Variants in CSMD1 observed in about 807,000 individuals in gnomAD.
The protein encoded by CSMD1 is CUB and Sushi multiple domains 1, also known as CUB and sushi domain-containing protein 1.
CSMD1 carries 213 observed loss-of-function variants against 417.5 expected under a neutral mutation model. The observed-to-expected ratio is 0.51, with a 90% confidence interval of 0.46 to 0.57. CSMD1 has a LOEUF of 0.57. CSMD1 is among the 20% of genes least tolerant of loss of function. The probability of loss-of-function intolerance (pLI) is 0.00; values close to 1 mark genes in which losing one functional copy is unlikely to be tolerated. For synonymous variants in CSMD1, 2,862 were observed against 1,736.8 expected (o/e 1.65, Z -16.11); for missense variants, 6,923 against 4,529.7 (o/e 1.53, Z -15.17).
chr8:3,887,012 T>C (rs959691739), intron 5 of CSMD1, among the ~76,000 whole-genome samples: 8 of 152,170 alleles, frequency 5.3e-5, no homozygotes, highest in Non-Finnish European at 1.0e-4. Context: ...TGGTACCACA[T>C]GGACTTCAGT....
At chr8:4,745,646 G>C (rs1224401022) in intron 1 of CSMD1, among the ~76,000 whole-genome samples, 2 of 152,134 alleles carry the variant, frequency 1.3e-5, no homozygotes, top group East Asian at 1.9e-4. Flanking sequence ...GAGAGAAGTA[G>C]AAATAAAAGA....
Position 4,747,755 on chromosome 8 carries a change from C to T in CSMD1, c.86-110197G>A, listed in dbSNP as rs73661111. On this transcript the variant is annotated intron_variant, in intron 1 of 69. Transcript: ENST00000635120. Reference sequence around the variant, plus strand: ...CCAATGTCCTGTGGCCCAAGCACATCGAATACTGTGTAAAGCCTGGGATAG... The same window carrying T: ...CCAATGTCCTGTGGCCCAAGCACATTGAATACTGTGTAAAGCCTGGGATAG... Among the ~76,000 whole-genome samples the T allele has an allele frequency of 2.9e-3, 447 of 152,172 alleles. 8 individuals are homozygous for T. Among genetic ancestry groups the T allele is most frequent in the Non-Finnish European group, 1.6e-3 (108 of 68,014 alleles).
chr8:4,971,688 A>AATAT (rs5889080), intron 1 of CSMD1, among the ~76,000 whole-genome samples: 8,539 of 148,882 alleles, frequency 0.057, 331 homozygotes, highest in Non-Finnish European at 0.061. Flanking sequence ...ACTATTCTGA[A>AATAT]ATATATATAT....
chr8:3,076,226 AC>A (rs1813671716), intron 49 of CSMD1, among the ~76,000 whole-genome samples: 1 of 123,934 alleles, frequency 8.1e-6, no homozygotes, highest in South Asian at 2.3e-4. Context: ...GTTCTGCCTG[AC>A]CCTATCTCCT....
chr8:3,918,038 T>A (rs1254181832), intron 5 of CSMD1, among the ~76,000 whole-genome samples: 1 of 152,088 alleles, frequency 6.6e-6, no homozygotes, highest in African/African-American at 2.4e-5. Context: ...TCCTTCTTTT[T>A]TAAGGGGTGA....
intron 50 of CSMD1, among the ~76,000 whole-genome samples, chr8:3,047,757 G>C (rs148120073): frequency 6.6e-6 from 1 of 151,930 alleles, no homozygotes; most frequent in African/African-American, 2.4e-5. Context: ...TCCCTTTTTT[G>C]GCAGATATAA....
At chr8:3,733,920 T>C (rs765351850) in intron 6 of CSMD1, among the ~76,000 whole-genome samples, 80 of 152,102 alleles carry the variant, frequency 5.3e-4, no homozygotes, top group Non-Finnish European at 8.8e-4. Context: ...TAGGGTTTGG[T>C]GTTAGCCACA....
chr8:4,072,003 G>C (rs939555003), intron 3 of CSMD1, among the ~76,000 whole-genome samples: 1 of 152,148 alleles, frequency 6.6e-6, no homozygotes, highest in Non-Finnish European at 1.5e-5. Context: ...TCATTTTCTG[G>C]TGGATGTGGT....
chr8:4,189,247 C>T (rs1798870881), intron 3 of CSMD1, among the ~76,000 whole-genome samples: 1 of 152,314 alleles, frequency 6.6e-6, no homozygotes, highest in African/African-American at 2.4e-5. Flanking sequence ...TCTAAGCCCA[C>T]CTTTGCCCAT....
intron 3 of CSMD1, among the ~76,000 whole-genome samples, chr8:4,096,558 T>C (rs1801021593): frequency 6.8e-6 from 1 of 146,772 alleles, no homozygotes; most frequent in Non-Finnish European, 1.5e-5. Flanking sequence ...TAACGATTGA[T>C]AATGCACGCC....
At chr8:4,107,070 T>A (rs1440573710) in intron 3 of CSMD1, among the ~76,000 whole-genome samples, 1 of 152,108 alleles carries the variant, frequency 6.6e-6, no homozygotes, top group South Asian at 2.1e-4. Context: ...GGCATCCATG[T>A]CAACGACAAC....
At chr8:3,544,012 G>C (rs995281782) in intron 10 of CSMD1, among the ~76,000 whole-genome samples, 7 of 152,080 alleles carry the variant, frequency 4.6e-5, no homozygotes, top group Non-Finnish European at 8.8e-5. Context: ...CAGAGTCTAA[G>C]TAGGTAATAA....
intron 50 of CSMD1, among the ~76,000 whole-genome samples, chr8:3,030,345 A>G (rs80176884): frequency 0.042 from 6,447 of 152,190 alleles, 473 homozygotes; most frequent in African/African-American, 0.15. Context: ...ACGAAGATTT[A>G]GTAGCTATCA....
intron 7 of CSMD1, among the ~76,000 whole-genome samples, chr8:3,678,408 G>A (rs1035860279): frequency 1.3e-5 from 2 of 152,168 alleles, no homozygotes; most frequent in South Asian, 2.1e-4. Flanking sequence ...TTGAACAGCC[G>A]ATTCGATCAA....
At chr8:4,821,462 C>T (rs557044342) in intron 1 of CSMD1, among the ~76,000 whole-genome samples, 2 of 152,132 alleles carry the variant, frequency 1.3e-5, no homozygotes, top group East Asian at 3.9e-4. Context: ...CGCAGTAAGA[C>T]AGTACAGGGA....
At chr8:4,011,347 A>G (rs1486796629) in intron 4 of CSMD1, among the ~76,000 whole-genome samples, 3 of 152,208 alleles carry the variant, frequency 2.0e-5, no homozygotes, top group Admixed American at 6.5e-5. Context: ...TTCAAAAACA[A>G]TGTTATAGAC....
intron 12 of CSMD1, among the ~76,000 whole-genome samples, chr8:3,434,023 A>G (rs995805677): frequency 4.6e-5 from 7 of 152,210 alleles, no homozygotes; most frequent in Non-Finnish European, 7.3e-5. Context: ...CTGCTTTCTC[A>G]TGAACTACAA....
intron 50 of CSMD1, among the ~76,000 whole-genome samples, chr8:3,043,211 C>T (rs1246044904): frequency 6.6e-6 from 1 of 150,732 alleles, no homozygotes; most frequent in Non-Finnish European, 1.5e-5. Flanking sequence ...TTTCTATGAC[C>T]TATAAATACT....
At chr8:3,803,217 T>A (rs918770347) in intron 5 of CSMD1, among the ~76,000 whole-genome samples, 1 of 142,924 alleles carries the variant, frequency 7.0e-6, no homozygotes, top group African/African-American at 2.9e-5. Context: ...GAGTGATGAC[T>A]TGTGTGCCAA....
Sources: allele counts gnomAD v4.1 joint callset (sites outside exome capture counted in the v4.1 genomes callset), GRCh38; gene constraint gnomAD v4.1.1; transcripts MANE v1.5; gene names NCBI Gene and HGNC (gene_info 2026-07-23, HGNC 2026-07-21).